Variants in NCF2 observed in about 807,000 individuals in gnomAD.
The protein encoded by NCF2 is neutrophil cytosol factor 2.
A neutral mutation model predicts 70.9 loss-of-function variants in NCF2; 45 were observed. The ratio of observed to expected loss-of-function variants is 0.63; its 90% CI spans 0.50 to 0.81. The LOEUF (loss-of-function observed/expected upper bound fraction) is 0.81, where lower values mean the gene tolerates loss of function less well. Ranked by LOEUF, NCF2 falls within the 40% of genes least tolerant of loss-of-function variation. The pLI, the probability that NCF2 is intolerant of heterozygous loss-of-function variation, is 0.00. For missense variants in NCF2, 522 were observed against 631.6 expected (o/e 0.83, Z 1.86); for synonymous variants, 203 against 233.6 (o/e 0.87, Z 1.19).
At chr1:183,597,820 A>C in the NCF2 span, 1 of 152,262 alleles carries the variant, frequency 6.6e-6, no homozygotes, top group Non-Finnish European at 1.5e-5. Context: ...TGAATCACTG[A>C]ATGAATGAAC....
At chr1:183,599,441 T>TCTTTCTTTCCTTTCTTTCTTTCTTTC in the NCF2 span, among the ~76,000 whole-genome samples, 1 of 98,834 alleles carries the variant, frequency 1.0e-5, no homozygotes, top group African/African-American at 3.7e-5. Context: ...TTTCTTTCTT[T>TCTTTCTTTCCTTTCTTTCTTTCTTTC]CTTTCTTTCT....
At chr1:183,560,905 T>C (rs1474710066) in intron 13 of NCF2, among the ~76,000 whole-genome samples, 1 of 152,260 alleles carries the variant, frequency 6.6e-6, no homozygotes, top group Non-Finnish European at 1.5e-5. Context: ...CAAAACTGGC[T>C]TTCTTAGCAT....
chr1:183,580,387 G>T (rs1303489463), intron 2 of NCF2, among the ~76,000 whole-genome samples: 1 of 152,180 alleles, frequency 6.6e-6, no homozygotes, highest in Admixed American at 6.5e-5. Flanking sequence ...AGAAGGTGGG[G>T]TAACTAGCTT....
At chr1:183,566,894 T>C in intron 9 of NCF2, 26 bp downstream of exon 9, 1 of 1,613,194 alleles carries the variant, frequency 6.2e-7, no homozygotes, top group Non-Finnish European at 8.5e-7. Flanking sequence ...TGAGAGGAAA[T>C]GGGTCAGGCC....
In NCF2 at chr1:183,581,315, A is replaced by AAAGAAAAG. The variant is rs1553259012; in HGVS notation, c.258-3609_258-3608insCTTTTCTT. ...AAAAAAAAGAAAGAAAGAAAGAAAG[A>AAAGAAAAG]AAAGAAAGTCCAACAACCAAAAAAA... On this transcript the variant is annotated intron_variant, in intron 2 of 14. Transcript: ENST00000367535. Among the ~76,000 whole-genome samples the AAAGAAAAG allele has an allele frequency of 2.4e-3, 343 of 143,502 alleles. 4 individuals carry two copies. Among genetic ancestry groups the AAAGAAAAG allele is most frequent in the African/African-American group, 8.5e-3 (321 of 37,792 alleles). 94.1% of individuals were successfully genotyped at this position (143,502 alleles called of 152,430 possible).
upstream of NCF2, among the ~76,000 whole-genome samples, chr1:183,595,724 A>C (rs1430479281): frequency 1.3e-5 from 2 of 152,192 alleles, no homozygotes; most frequent in Non-Finnish European, 2.9e-5. Flanking sequence ...ACCTTCTCTT[A>C]AAGGAGTCAC....
intron 14 of NCF2, 28 bp downstream of exon 14, chr1:183,560,064 ATTTG>A: frequency 1.9e-6 from 3 of 1,606,322 alleles, no homozygotes; most frequent in Non-Finnish European, 2.6e-6. Context: ...TAACATGTAA[ATTTG>A]TTTCTATAGT....
intron 13 of NCF2, among the ~76,000 whole-genome samples, chr1:183,560,697 G>A (rs540593484): frequency 8.5e-5 from 13 of 152,364 alleles, no homozygotes; most frequent in African/African-American, 2.9e-4. Flanking sequence ...GCTCAGGCCA[G>A]TATACCTGCA....
At chr1:183,569,372 A>G in intron 6 of NCF2, 187 bp from the exon 7 acceptor site, 1 of 644,568 alleles carries the variant, frequency 1.6e-6, no homozygotes, top group South Asian at 1.7e-5. Flanking sequence ...GGGAAATAAC[A>G]CCTCCCACCA....
At chr1:183,570,101 C>A (rs1672478197) in intron 6 of NCF2, among the ~76,000 whole-genome samples, 1 of 152,186 alleles carries the variant, frequency 6.6e-6, no homozygotes, top group Non-Finnish European at 1.5e-5. Flanking sequence ...ACATACCTGC[C>A]CCTGCTCAGA....
In NCF2 at chr1:183,577,552, T is replaced by G. The variant is rs1572166650; in HGVS notation, c.366+47A>C. On this transcript the variant is annotated intron_variant, in intron 3 of 14. Coordinates refer to ENST00000367535, the MANE Select transcript of NCF2 (RefSeq NM_000433.4). ...GTGCATCTGAACTGTCAGCCATCCA[T>G]CCAGCCATGATCCCCTCCTGCCCAG... is the stretch of plus-strand genomic sequence containing the variant. 2.1e-6 allele frequency: 3 copies of G among 1,437,402 alleles called. No individual in the cohort carries two copies. The South Asian group carries it at 3.4e-5, about 16-fold the overall frequency. 89.0% of individuals were successfully genotyped at this position (1,437,402 alleles called of 1,614,324 possible). A position where few individuals can be genotyped will look rare whatever the true frequency, so the allele number is the denominator to read the frequency against.
chr1:183,577,412 G>A (rs1354560906), intron 3 of NCF2, among the ~76,000 whole-genome samples, 187 bp downstream of exon 3: 1 of 152,200 alleles, frequency 6.6e-6, no homozygotes, highest in African/African-American at 2.4e-5. Flanking sequence ...TGATGACAAT[G>A]CCTTGATGAG....
At chr1:183,600,622 T>TC in the NCF2 span, among the ~76,000 whole-genome samples, 775 of 152,254 alleles carry the variant, frequency 5.1e-3, 8 homozygotes, top group African/African-American at 0.018. Flanking sequence ...CTTTTTTTTT[T>TC]CATCTGGTCA....
At chr1:183,565,659 A>T in intron 10 of NCF2, 45 bp downstream of exon 10, 1 of 1,578,758 alleles carries the variant, frequency 6.3e-7, no homozygotes, top group Non-Finnish European at 8.7e-7. Flanking sequence ...GCAGCCTGGC[A>T]TGCTGCTGCA....
chr1:183,558,869 T>A (rs528839763), intron 14 of NCF2, among the ~76,000 whole-genome samples: 3 of 152,094 alleles, frequency 2.0e-5, no homozygotes, highest in Non-Finnish European at 4.4e-5. Flanking sequence ...CAGCCTACCC[T>A]CATTAACTTT....
intron 2 of NCF2, among the ~76,000 whole-genome samples, chr1:183,581,315 A>AAAAAAAAG (rs1673062601): frequency 7.0e-6 from 1 of 143,472 alleles, no homozygotes; most frequent in African/African-American, 2.6e-5. Context: ...AGAAAGAAAG[A>AAAAAAAAG]AAAGAAAGTC....
In NCF2 at chr1:183,556,052, G is replaced by GGTGCTAAA; in HGVS notation, c.*58_*65dup. The GGTGCTAAA allele has an allele frequency of 7.9e-7, 1 of 1,268,908 alleles. No individual in the cohort carries two copies. Among genetic ancestry groups the GGTGCTAAA allele is most frequent in the South Asian group, 1.2e-5 (1 of 83,814 alleles). The allele number at this position is 1,268,908 out of a possible 1,614,324, so 78.6% of individuals were successfully genotyped here. A position where few individuals can be genotyped will look rare whatever the true frequency, so the allele number is the denominator to read the frequency against. Reference sequence around the variant, plus strand: ...GTCTCAGTACAGTATACAGCAGAAGGGTGCTAAATCTTACAAACAAGTAAT... The same window carrying GGTGCTAAA: ...GTCTCAGTACAGTATACAGCAGAAGGGTGCTAAAGTGCTAAATCTTACAAACAAGTAAT... On this transcript the variant is annotated 3_prime_UTR_variant, in exon 15 of 15. Transcript: ENST00000367535.
chr1:183,556,903 T>G (rs760234353), intron 14 of NCF2, among the ~76,000 whole-genome samples: 4 of 152,188 alleles, frequency 2.6e-5, no homozygotes, highest in Non-Finnish European at 5.9e-5. Context: ...AAAAGGGACA[T>G]GCCATTGGTT....
At chr1:183,563,765 G>T (rs929655269) in intron 11 of NCF2, 180 bp from the exon 12 acceptor site, 3 of 835,122 alleles carry the variant, frequency 3.6e-6, no homozygotes, top group Middle Eastern at 3.6e-4. Context: ...CCCAACCCTT[G>T]CTTGGACAGG....
Sources: gnomAD v4.1 joint callset for allele counts (sites outside exome capture counted in the v4.1 genomes callset) on GRCh38, gnomAD v4.1.1 for gene constraint, MANE v1.5 for transcripts, NCBI Gene and HGNC (gene_info 2026-07-23, HGNC 2026-07-21) for gene names.